GTF2IRD1: variants seen among roughly 807,000 people sequenced by gnomAD.
The protein encoded by GTF2IRD1 is GTF2I repeat domain containing 1, also known as general transcription factor II-I repeat domain-containing protein 1.
Under a neutral mutation model 113.2 loss-of-function variants are expected in GTF2IRD1, and 26 were observed. The observed-to-expected ratio is 0.23, with a 90% CI of 0.17 to 0.32. The LOEUF (loss-of-function observed/expected upper bound fraction) is 0.32, where lower values mean the gene tolerates loss of function less well. GTF2IRD1 is among the 10% of genes least tolerant of loss of function. The pLI, the probability that GTF2IRD1 is intolerant of heterozygous loss-of-function variation, is 1.00. For synonymous variants in GTF2IRD1, 484 were observed against 529.1 expected, an observed-to-expected ratio of 0.91 and a Z score of 1.17; for missense variants, 864 against 1,280.8, an observed-to-expected ratio of 0.67 and a Z score of 4.97.
At chr7:74,552,023 A>G (rs587752205) in intron 17 of GTF2IRD1, among the ~76,000 whole-genome samples, 3 of 152,306 alleles carry the variant, frequency 2.0e-5, no homozygotes, top group African/African-American at 7.2e-5. Flanking sequence ...TGGGTGTTTG[A>G]AAGCTTGCAA....
intron 24 of GTF2IRD1, among the ~76,000 whole-genome samples, chr7:74,592,494 T>TG (rs1326458134): frequency 1.3e-5 from 2 of 151,494 alleles, no homozygotes; most frequent in Non-Finnish European, 2.9e-5. Context: ...GCTGGGATTA[T>TG]GGGGGTCAGC....
rs1396335280 is a variant in GTF2IRD1, at chr7:74,575,723, G to T, written c.2321-14128G>T. On this transcript the variant is annotated intron_variant, in intron 22 of 26. Coordinates refer to ENST00000424337, the MANE Select transcript of GTF2IRD1 (RefSeq NM_005685.4). ...GACGGAGGTGCTGTGGGTGGAGACA[G>T]GGAAGATGCAGGAGAAGCTGGTGGG... is the stretch of plus-strand genomic sequence containing the variant. Among the ~76,000 whole-genome samples the T allele has an allele frequency of 2.0e-5, 3 of 152,162 alleles. No individual in the cohort carries two copies. In the East Asian group the frequency reaches 5.8e-4, roughly 29 times the overall value.
At chr7:74,482,725 A>G (rs1293760359) in intron 1 of GTF2IRD1, among the ~76,000 whole-genome samples, 6 of 152,046 alleles carry the variant, frequency 3.9e-5, no homozygotes, top group Admixed American at 2.0e-4. Flanking sequence ...TGGCTTCAGA[A>G]TGTGGCCTCC....
intron 19 of GTF2IRD1, among the ~76,000 whole-genome samples, chr7:74,556,310 T>G (rs879954346): frequency 6.6e-6 from 1 of 151,450 alleles, no homozygotes; most frequent in Non-Finnish European, 1.5e-5. Context: ...CTCCAGCACA[T>G]GCTGGCACTT....
At chr7:74,568,000 C>T (rs587635638) in intron 22 of GTF2IRD1, among the ~76,000 whole-genome samples, 137 of 151,878 alleles carry the variant, frequency 9.0e-4, no homozygotes, top group African/African-American at 3.2e-3. Context: ...TTGGCCAAGC[C>T]GGTGTCAAAC....
At position 74,463,149 on chromosome 7, in the gene GTF2IRD1, A is replaced by G. The variant is rs577539281; in HGVS notation, c.-7+8973A>G. On this transcript the variant is annotated intron_variant, in intron 1 of 26. Coordinates refer to ENST00000424337, the MANE Select transcript of GTF2IRD1 (RefSeq NM_005685.4). ...GGTAGGGAAGGAAGGTGGTGAAGCC[A>G]CTGTTGCAGGCAGGAGCAGGAGTTA... Among the ~76,000 whole-genome samples, 63 of 152,270 alleles carry G rather than the reference A, an allele frequency of 4.1e-4. 1 individual carries two copies. In the East Asian group the frequency reaches 0.012, roughly 28 times the overall value.
At chr7:74,540,267 C>T (rs1798556330) in intron 14 of GTF2IRD1, among the ~76,000 whole-genome samples, 1 of 152,088 alleles carries the variant, frequency 6.6e-6, no homozygotes, top group Non-Finnish European at 1.5e-5. Context: ...CTGCCTCAGC[C>T]TCCTGAGTAG....
At position 74,518,114 on chromosome 7, in the gene GTF2IRD1, C is replaced by T. The variant is rs782414275; in HGVS notation, c.422-25C>T. 4.8e-6 allele frequency: 7 copies of T among 1,457,776 alleles called. No homozygotes were observed. The Admixed American group carries it at 1.5e-4, about 30-fold the overall frequency. The allele number at this position is 1,457,776 out of a possible 1,614,324, so 90.3% of individuals were successfully genotyped here. ...GCCTGGCTGCCCTCTCATACCAGGC[C>T]CCTCTCCTGGACTCTCCCCTACAGG... is the stretch of plus-strand genomic sequence containing the variant. On this transcript the variant is annotated intron_variant, in intron 4 of 26. Coordinates refer to ENST00000424337, the MANE Select transcript of GTF2IRD1 (RefSeq NM_005685.4).
chr7:74,461,749 T>A (rs1231466243), intron 1 of GTF2IRD1, among the ~76,000 whole-genome samples: 1 of 152,120 alleles, frequency 6.6e-6, no homozygotes, highest in Non-Finnish European at 1.5e-5. Flanking sequence ...CAGCCAATTT[T>A]TGTATTTTTA....
chr7:74,588,545 T>C (rs1452863337), intron 22 of GTF2IRD1, among the ~76,000 whole-genome samples: 1 of 152,038 alleles, frequency 6.6e-6, no homozygotes, highest in Non-Finnish European at 1.5e-5. Context: ...TTTGTTTTCA[T>C]TTTTGTTTGA....
At chr7:74,465,713 G>C (rs1793664717) in intron 1 of GTF2IRD1, among the ~76,000 whole-genome samples, 3 of 152,144 alleles carry the variant, frequency 2.0e-5, no homozygotes, top group Admixed American at 2.0e-4. Context: ...TTTTCTGCCT[G>C]TCTGGGACAC....
intron 9 of GTF2IRD1, among the ~76,000 whole-genome samples, chr7:74,534,876 C>G (rs1554349822): frequency 6.6e-6 from 1 of 152,144 alleles, no homozygotes; most frequent in African/African-American, 2.4e-5. Context: ...GCACTCCAGC[C>G]TGGGCGACAA....
intron 22 of GTF2IRD1, among the ~76,000 whole-genome samples, chr7:74,577,774 C>A (rs1317786650): frequency 9.2e-5 from 14 of 152,066 alleles, no homozygotes. Context: ...CACCTCAGCC[C>A]CTCGAGTGGC....
At chr7:74,553,444 C>A (rs374334886) in intron 17 of GTF2IRD1, among the ~76,000 whole-genome samples, 1 of 152,140 alleles carries the variant, frequency 6.6e-6, no homozygotes. Flanking sequence ...CACGCCACCA[C>A]ACCTGGCTAA....
chr7:74,540,529 T>TG (rs1269294690), intron 14 of GTF2IRD1, among the ~76,000 whole-genome samples: 1 of 151,892 alleles, frequency 6.6e-6, no homozygotes, highest in Non-Finnish European at 1.5e-5. Flanking sequence ...CAACAACTAT[T>TG]TATTGAGCAT....
chr7:74,500,756 C>T (rs922890436), intron 1 of GTF2IRD1, among the ~76,000 whole-genome samples: 1 of 152,148 alleles, frequency 6.6e-6, no homozygotes, highest in Non-Finnish European at 1.5e-5. Context: ...CAGGGTCTTG[C>T]TCTGTCGCCC....
At chr7:74,551,809 G>A (rs1554355103) in intron 17 of GTF2IRD1, among the ~76,000 whole-genome samples, 3 of 151,936 alleles carry the variant, frequency 2.0e-5, no homozygotes, top group African/African-American at 7.3e-5. Context: ...GGTGGCGTGT[G>A]CCTGTAATCC....
chr7:74,555,177 C>A lies in GTF2IRD1; in HGVS notation c.1920C>A (p.Pro640=), dbSNP rs782719821. ...TAGCCTCGCTTGTGTTTTCCAGGCC[C>A]GAGCTGCTCACTGAGGGAGTCAAAG... ...SNSIQFVIKR[P]ELLTEGVKEP... is the part of the protein sequence containing the mutation. Residue 640 remains proline, a synonymous_variant, in exon 18 of 27, where the codon CCC becomes CCA. Coordinates refer to ENST00000424337, the MANE Select transcript of GTF2IRD1 (RefSeq NM_005685.4). The surrounding 1 kb of genome is among the most constrained non-coding windows in gnomAD (Gnocchi z 5.3). 10 of 1,613,726 alleles carry A rather than the reference C, an allele frequency of 6.2e-6. No homozygotes were observed. The highest frequency in any genetic ancestry group is 8.5e-6 in the Non-Finnish European group (10 of 1,179,892).
At chr7:74,558,347 CTTTTTT>C (rs1193682168) in intron 20 of GTF2IRD1, among the ~76,000 whole-genome samples, 44 of 60,454 alleles carry the variant, frequency 7.3e-4, no homozygotes, top group African/African-American at 8.9e-4. Context: ...TCTTTCGTTT[CTTTTTT>C]TTTTTTTTTT....
Sources: allele counts gnomAD v4.1 joint callset (sites outside exome capture counted in the v4.1 genomes callset), GRCh38; gene constraint gnomAD v4.1.1; non-coding constraint Gnocchi (gnomAD v3.1); transcripts MANE v1.5; gene names NCBI Gene and HGNC (gene_info 2026-07-23, HGNC 2026-07-21).